Variants in MKI67 observed in about 807,000 individuals in gnomAD.
MKI67 encodes the protein marker of proliferation Ki-67, also known as proliferation marker protein Ki-67.
A neutral mutation model predicts 233.5 loss-of-function variants in MKI67; 152 were observed. The ratio of observed to expected loss-of-function variants is 0.65; its 90% confidence interval spans 0.57 to 0.74. The LOEUF is 0.74. MKI67 is among the 30% of genes least tolerant of loss of function. The probability of loss-of-function intolerance (pLI) is 0.00; values close to 1 mark genes in which losing one functional copy is unlikely to be tolerated. For synonymous variants in MKI67, 1,465 were observed against 1,418.5 expected, an observed-to-expected ratio of 1.03 and a Z score of -0.74; for missense variants, 3,940 against 3,885.2, an observed-to-expected ratio of 1.01 and a Z score of -0.37.
chr10:128,105,820 C>T lies in MKI67; in HGVS notation c.6020G>A (p.Gly2007Asp), dbSNP rs567322750. Residue 2007 changes from glycine to aspartate, a missense_variant, in exon 13 of 15, where the codon GGT (glycine) becomes GAT (aspartate). Coordinates refer to ENST00000368654, the MANE Select transcript of MKI67 (RefSeq NM_002417.5). ...QRLKISLGKV[G>D]VKEEVLPVGK... The stretch of plus-strand genomic sequence containing the variant: ...GACTGGTAGGACCTCTTCTTTCACA[C>T]CTACTTTCCCCAAGGATATCTTGAG... 31 of 1,614,122 alleles carry T rather than the reference C, an allele frequency of 1.9e-5. No homozygotes were observed. The South Asian group carries it at 3.2e-4, about 17-fold the overall frequency.
At position 128,105,102 on chromosome 10, in the gene MKI67, T is replaced by G; in HGVS notation, c.6738A>C (p.Ala2246=). The change falls in exon 13 of 15, where the codon GCA becomes GCC. Residue 2246 remains alanine, a synonymous_variant. Coordinates refer to ENST00000368654, the MANE Select transcript of MKI67 (RefSeq NM_002417.5). ...KPQSKRSLRK[A]DVEEESLALR... is the part of the protein sequence containing the mutation. ...GTGCTAAGGATTCTTCCTCTACGTC[T>G]GCTTTCCTGAGACTTCTCTTGGACT... 6 of 1,614,124 alleles carry G rather than the reference T, an allele frequency of 3.7e-6. No individual in the cohort carries two copies. The highest frequency in any genetic ancestry group is 5.1e-6 in the Non-Finnish European group (6 of 1,180,038).
At chr10:128,112,651 G>C (rs1315742679) in intron 8 of MKI67, among the ~76,000 whole-genome samples, 2 of 152,216 alleles carry the variant, frequency 1.3e-5, no homozygotes, top group Admixed American at 6.5e-5. Context: ...CAAGTCTGAA[G>C]TGAGGTCATT....
At position 128,104,265 on chromosome 10, in the gene MKI67, A is replaced by G; in HGVS notation, c.7575T>C (p.Phe2525=). Residue 2525 remains phenylalanine, a synonymous_variant, in exon 13 of 15, where the codon TTT becomes TTC. Coordinates refer to ENST00000368654, the MANE Select transcript of MKI67 (RefSeq NM_002417.5). ...PTGDSKSIKA[F]KESPKQILDP... Reference sequence around the variant, plus strand: ...CCAGGATCTGCTTTGGAGACTCCTTAAACGCTTTGATGCTCTTACTATCTC... The same window carrying G: ...CCAGGATCTGCTTTGGAGACTCCTTGAACGCTTTGATGCTCTTACTATCTC... 6.2e-7 allele frequency: 1 copy of G among 1,614,002 alleles called. No individual in the cohort carries two copies. Among genetic ancestry groups the G allele is most frequent in the East Asian group, 2.2e-5 (1 of 44,854 alleles).
chr10:128,110,610 C>G, intron 11 of MKI67, 77 bp from the exon 12 acceptor site: 1 of 1,167,340 alleles, frequency 8.6e-7, no homozygotes, highest in Non-Finnish European at 1.2e-6. Flanking sequence ...TCACATGTAA[C>G]GTGCAAATGG....
In MKI67 at chr10:128,109,162, C is replaced by A. The variant is rs1378704828; in HGVS notation, c.2678G>T (p.Ser893Ile). 6.2e-7 allele frequency: 1 copy of A among 1,614,034 alleles called. No homozygotes were observed. Among genetic ancestry groups the A allele is most frequent in the Non-Finnish European group, 8.5e-7 (1 of 1,180,044 alleles). The change falls in exon 13 of 15, where the codon AGT (serine) becomes ATT (isoleucine). Residue 893 changes from serine (S) to isoleucine (I), a missense_variant. Coordinates refer to ENST00000368654, the MANE Select transcript of MKI67 (RefSeq NM_002417.5). ...NIQKLPVESK[S>I]EETNTEIVEC... ...AACAATTTCTGTATTTGTTTCTTCA[C>A]TCTTACTTTCCACAGGTAGCTTCTG... is the stretch of plus-strand genomic sequence containing the variant.
intron 13 of MKI67, among the ~76,000 whole-genome samples, chr10:128,102,294 G>C (rs564988256): frequency 2.7e-4 from 41 of 152,284 alleles, no homozygotes; most frequent in African/African-American, 9.6e-4. Flanking sequence ...CCTATCCTCT[G>C]ATCAATTTTT....
chr10:128,115,847 A>G lies in MKI67; in HGVS notation c.561T>C (p.His187=). The change falls in exon 7 of 15, where the codon CAT becomes CAC. Residue 187 remains histidine (H), a synonymous_variant. Transcript: ENST00000368654. ...QGTTNVHSSE[H]AGRNGRNAAD... ...CTGCATTTCTGCCATTACGTCCAGC[A>G]TGTTCTGAGGAATGAACATTAGTTG... 1 of 1,608,894 alleles carries G rather than the reference A, an allele frequency of 6.2e-7. No homozygotes were observed. The highest frequency in any genetic ancestry group is 8.5e-7 in the Non-Finnish European group (1 of 1,180,016).
Position 128,113,567 on chromosome 10 carries a change from C to A in MKI67, c.1516G>T (p.Val506Leu), listed in dbSNP as rs778093982. 6.2e-7 allele frequency: 1 copy of A among 1,614,172 alleles called. No homozygotes were observed. The highest frequency in any genetic ancestry group is 1.7e-5 in the Admixed American group (1 of 60,028). ...GGTCTTAGGTGCCCACCAAAGGACACACGCCTTCTTTTCAAAGGTATTCCC... is the reference window on the plus strand; with the variant it reads ...GGTCTTAGGTGCCCACCAAAGGACAAACGCCTTCTTTTCAAAGGTATTCCC... ...SEGIPLKRRR[V>L]SFGGHLRPEL... The change falls in exon 8 of 15, where the codon GTG becomes TTG. Residue 506 changes from valine to leucine, a missense_variant. Val to Leu is a conservative substitution (Grantham distance 32). Transcript: ENST00000368654.
chr10:128,100,749 T>A (rs974021765), intron 14 of MKI67, among the ~76,000 whole-genome samples: 1 of 152,082 alleles, frequency 6.6e-6, no homozygotes, highest in Non-Finnish European at 1.5e-5. Flanking sequence ...TGGAGGAGGG[T>A]TGGAGGGCAG....
In MKI67 at chr10:128,110,519, A is replaced by C. The variant is rs1247829712; in HGVS notation, c.2275T>G (p.Phe759Val). 1 of 1,552,802 alleles carries C rather than the reference A, an allele frequency of 6.4e-7. No individual in the cohort carries two copies. The highest frequency in any genetic ancestry group is 1.2e-5 in the South Asian group (1 of 83,566). The change falls in exon 12 of 15, where the codon TTC (phenylalanine) becomes GTC (valine). Residue 759 changes from phenylalanine to valine, a missense_variant. Transcript: ENST00000368654. ...GGTTGCTCCTTCACTGGGGTCTTGA[A>C]CATTTCAGCTATTCCTGTTAAATGA... is the stretch of plus-strand genomic sequence containing the variant. The part of the protein sequence containing the change: ...KEDLSGIAEM[F>V]KTPVKEQPQL...
In MKI67 at chr10:128,105,686, G is replaced by A; in HGVS notation, c.6154C>T (p.Pro2052Ser). 1 of 1,613,900 alleles carries A rather than the reference G, an allele frequency of 6.2e-7. No homozygotes were observed. Among genetic ancestry groups the A allele is most frequent in the Non-Finnish European group, 8.5e-7 (1 of 1,179,990 alleles). The change falls in exon 13 of 15, where the codon CCA (proline) becomes TCA (serine). Residue 2052 changes from proline (P) to serine (S), a missense_variant. Coordinates refer to ENST00000368654, the MANE Select transcript of MKI67 (RefSeq NM_002417.5). ...FKESAKQMLD[P>S]ANYGTGMERW... ...TCCATCCCAGTTCCATAGTTTGCTGGGTCCAGCATCTGCTTTGCAGATTCC... is the reference window on the plus strand; with the variant it reads ...TCCATCCCAGTTCCATAGTTTGCTGAGTCCAGCATCTGCTTTGCAGATTCC...
At chr10:128,122,695 C>T (rs1051761795) in intron 4 of MKI67, among the ~76,000 whole-genome samples, 186 bp downstream of exon 4, 2 of 152,214 alleles carry the variant, frequency 1.3e-5, no homozygotes, top group African/African-American at 4.8e-5. Context: ...AATTCCATCA[C>T]ATTTTGTCCC....
rs1852444694 is a variant in MKI67 at position 128,104,959 on chromosome 10, C to A, written c.6881G>T (p.Gly2294Val). 3 of 1,613,134 alleles carry A rather than the reference C, an allele frequency of 1.9e-6. No individual in the cohort carries two copies. The highest frequency in any genetic ancestry group is 2.5e-6 in the Non-Finnish European group (3 of 1,179,892). ...GTPVQKLDLP[G>V]NLPGSKRWPQ... is the part of the protein sequence containing the mutation. Reference sequence around the variant, plus strand: ...CCATCTTTTGCTGCCAGGTAAATTTCCTGGCAGGTCCAATTTCTGCACTGG... The same window carrying A: ...CCATCTTTTGCTGCCAGGTAAATTTACTGGCAGGTCCAATTTCTGCACTGG... Residue 2294 changes from glycine (G) to valine (V), a missense_variant, in exon 13 of 15, where the codon GGA becomes GTA. Physicochemically the swap from Gly to Val is moderately radical, Grantham distance 109. Transcript: ENST00000368654.
At chr10:128,116,723 A>G (rs1852817136) in intron 5 of MKI67, among the ~76,000 whole-genome samples, 187 bp from the exon 6 acceptor site, 1 of 152,220 alleles carries the variant, frequency 6.6e-6, no homozygotes, top group African/African-American at 2.4e-5. Context: ...CCTGGCCAAC[A>G]TGATGTAACC....
In MKI67 at chr10:128,103,517, C is replaced by G; in HGVS notation, c.8323G>C (p.Ala2775Pro). ...CTGCCAGTTACACTTGCTGCTGGAG[C>G]CGGTGTCTGTTTTGCAGATTCCTTC... is the stretch of plus-strand genomic sequence containing the variant. ...ALKESAKQTP[A>P]PAASVTGSRR... The change falls in exon 13 of 15, where the codon GCT becomes CCT. Residue 2775 changes from alanine (A) to proline (P), a missense_variant. Transcript: ENST00000368654. 1 of 1,613,292 alleles carries G rather than the reference C, an allele frequency of 6.2e-7. No individual in the cohort carries two copies. Among genetic ancestry groups the G allele is most frequent in the East Asian group, 2.2e-5 (1 of 44,782 alleles).
rs143482232 is a variant in MKI67, at chr10:128,103,451, T to C, written c.8389A>G (p.Ile2797Val). 6 of 1,611,748 alleles carry C rather than the reference T, an allele frequency of 3.7e-6. No individual in the cohort carries two copies. The highest frequency in any genetic ancestry group is 1.7e-4 in the Middle Eastern group (1 of 6,040). ...PRAPRESAQA[I>V]EDLAGFKDPA... Reference sequence around the variant, plus strand: ...TCTTTGAAGCCAGCTAGGTCTTCTATGGCTTGGGCACTTTCCCTGGGTGCT... The same window carrying C: ...TCTTTGAAGCCAGCTAGGTCTTCTACGGCTTGGGCACTTTCCCTGGGTGCT... The change falls in exon 13 of 15, where the codon ATA becomes GTA. Residue 2797 changes from isoleucine (I) to valine (V), a missense_variant. Transcript: ENST00000368654.
chr10:128,105,080 C>T lies in MKI67; in HGVS notation c.6760G>A (p.Ala2254Thr). ...ACTGATGGTGTTCGTTTCCTGAGTG[C>T]TAAGGATTCTTCCTCTACGTCTGCT... ...RKADVEEESL[A>T]LRKRTPSVGK... is the part of the protein sequence containing the mutation. Residue 2254 changes from alanine (A) to threonine (T), a missense_variant, in exon 13 of 15, where the codon GCA (alanine) becomes ACA (threonine). By Grantham distance (58) the Ala-to-Thr change is moderately conservative. Coordinates refer to ENST00000368654, the MANE Select transcript of MKI67 (RefSeq NM_002417.5). The T allele has an allele frequency of 6.2e-7, 1 of 1,613,926 alleles. No individual in the cohort carries two copies. The highest frequency in any genetic ancestry group is 8.5e-7 in the Non-Finnish European group (1 of 1,180,030).
At chr10:128,100,533 A>G (rs1328635098) in intron 14 of MKI67, among the ~76,000 whole-genome samples, 2 of 152,168 alleles carry the variant, frequency 1.3e-5, no homozygotes, top group African/African-American at 4.8e-5. Flanking sequence ...CTAAGAATTA[A>G]ATTTATATTA....
At position 128,122,909 on chromosome 10, in the gene MKI67, C is replaced by T; in HGVS notation, c.259G>A (p.Val87Ile). The T allele has an allele frequency of 1.3e-6, 2 of 1,590,096 alleles. No individual in the cohort carries two copies. The highest frequency in any genetic ancestry group is 8.6e-7 in the Non-Finnish European group (1 of 1,163,008). Residue 87 changes from valine to isoleucine, a missense_variant, in exon 4 of 15, where the codon GTA becomes ATA. Val to Ile is a conservative substitution (Grantham distance 29). Transcript: ENST00000368654. ...DEPVRLKHGD[V>I]ITIIDRSFRY... ...AAGGAACGATCAATAATAGTTATTACATCTCCATGTTTTAGCCGTACAGGC... is the reference window on the plus strand; with the variant it reads ...AAGGAACGATCAATAATAGTTATTATATCTCCATGTTTTAGCCGTACAGGC...
Sources: gnomAD v4.1 joint callset for allele counts (sites outside exome capture counted in the v4.1 genomes callset) on GRCh38, gnomAD v4.1.1 for gene constraint, MANE v1.5 for transcripts, NCBI Gene and HGNC (gene_info 2026-07-23, HGNC 2026-07-21) for gene names.